CFAP47: variants seen among roughly 807,000 people sequenced by gnomAD.
The protein encoded by CFAP47 is cilia and flagella associated protein 47, also known as cilia- and flagella-associated protein 47.
CFAP47 carries 29 observed loss-of-function variants against 148.1 expected under a neutral mutation model. The ratio of observed to expected loss-of-function variants is 0.20; its 90% CI spans 0.15 to 0.27. CFAP47 has a LOEUF of 0.27. Among genes scored for constraint, CFAP47 ranks in the 10% least tolerant of loss-of-function variants. The pLI, the probability that CFAP47 is intolerant of heterozygous loss-of-function variation, is 1.00. For synonymous variants in CFAP47, 664 were observed against 577.3 expected, an observed-to-expected ratio of 1.15 and a Z score of -2.15; for missense variants, 1,872 against 1,697.5, an observed-to-expected ratio of 1.10 and a Z score of -1.81.
chrX:36,237,064 T>A (rs1032837514), intron 48 of CFAP47, among the ~76,000 whole-genome samples: 6 of 112,097 alleles, frequency 5.4e-5, no homozygotes, highest in Non-Finnish European at 1.1e-4. Context: ...TAGGATGAAA[T>A]AAGTCTTATA....
Position 36,303,917 on chromosome X carries a change from G to C in CFAP47, c.8039G>C (p.Ser2680Thr), listed in dbSNP as rs1309997280. 4 of 1,140,287 alleles carry C rather than the reference G, an allele frequency of 3.5e-6. No individual in the cohort carries two copies. The Admixed American group carries it at 8.1e-5, about 23-fold the overall frequency. 94.0% of individuals were successfully genotyped at this position (1,140,287 alleles called of 1,213,427 possible). Residue 2680 changes from serine (S) to threonine (T), a missense_variant, in exon 54 of 64, where the codon AGT (serine) becomes ACT (threonine). By Grantham distance (58) the Ser-to-Thr change is moderately conservative. Transcript: ENST00000378653. ...HETLKLQVTN[S>T]NPENFVLDIN... ...ACCTTAAAATTGCAAGTAACAAACA[G>C]TAATCCTGAAAATTTTGTCCTGGAT...
intron 35 of CFAP47, among the ~76,000 whole-genome samples, chrX:36,139,605 T>A (rs1260258765): frequency 1.8e-5 from 2 of 111,520 alleles, no homozygotes; most frequent in African/African-American, 3.3e-5. Flanking sequence ...TCTACTCTTA[T>A]CATTTTAATT....
rs1935550313 is a variant in CFAP47, at chrX:35,919,939, T to G, written c.140T>G (p.Val47Gly). 1 of 1,208,216 alleles carries G rather than the reference T, an allele frequency of 8.3e-7. No individual in the cohort carries two copies. The highest frequency in any genetic ancestry group is 2.2e-5 in the Admixed American group (1 of 45,557). The part of the protein sequence containing the change: ...DMQLRVIPAE[V>G]KFLDTMAGRV... ...CAGCTGCGGGTGATCCCGGCTGAGG[T>G]GAAGTTCCTGGACACGATGGCCGGG... Residue 47 changes from valine (V) to glycine (G), a missense_variant, in exon 1 of 64, where the codon GTG becomes GGG. Transcript: ENST00000378653.
Position 35,955,903 on chromosome X carries a change from A to G in CFAP47, c.1175-58A>G, listed in dbSNP as rs747345059. 12 of 1,182,946 alleles carry G rather than the reference A, an allele frequency of 1.0e-5. No homozygotes were observed. The Admixed American group carries it at 2.2e-4, about 21-fold the overall frequency. Reference sequence around the variant, plus strand: ...TTCAGACAACAAATAGACTAAGCAAATATATTCTGGATTCCCCAAACACTT... The same window carrying G: ...TTCAGACAACAAATAGACTAAGCAAGTATATTCTGGATTCCCCAAACACTT... On this transcript the variant is annotated intron_variant, in intron 7 of 63. Coordinates refer to ENST00000378653, the MANE Select transcript of CFAP47 (RefSeq NM_001304548.2).
chrX:36,008,627 G>A (rs953361414), intron 21 of CFAP47, among the ~76,000 whole-genome samples: 5 of 108,920 alleles, frequency 4.6e-5, no homozygotes, highest in African/African-American at 1.3e-4. Context: ...AAAAATAGCC[G>A]GGCATGGTGA....
chrX:35,927,629 G>A (rs982304055), intron 2 of CFAP47, among the ~76,000 whole-genome samples: 33 of 109,741 alleles, frequency 3.0e-4, no homozygotes, highest in Non-Finnish European at 9.5e-5. Flanking sequence ...ATGTGTGTGT[G>A]CATGTGTGTT....
At chrX:36,024,946 CA>C (rs779765076) in intron 22 of CFAP47, among the ~76,000 whole-genome samples, 2 of 111,188 alleles carry the variant, frequency 1.8e-5, no homozygotes, top group Admixed American at 1.9e-4. Context: ...CATTTTGCTG[CA>C]CTCATTCTCT....
At chrX:36,050,731 CAAGACAATGGGGAA>C (rs1937516288) in intron 26 of CFAP47, among the ~76,000 whole-genome samples, 1 of 112,023 alleles carries the variant, frequency 8.9e-6, no homozygotes, top group Non-Finnish European at 1.9e-5. Context: ...TGTTGATCAC[CAAGACAATGGGGAA>C]AATGTCTCTA....
At chrX:35,970,487 T>C (rs1936473126) in intron 10 of CFAP47, among the ~76,000 whole-genome samples, 1 of 111,532 alleles carries the variant, frequency 9.0e-6, no homozygotes, top group African/African-American at 3.3e-5. Flanking sequence ...ATTGCCTAAC[T>C]GACTAATTCT....
Position 36,201,515 on chromosome X carries a change from A to G in CFAP47, c.6663+15A>G. 2 of 296,828 alleles carry G rather than the reference A, an allele frequency of 6.7e-6. No homozygotes were observed. The highest frequency in any genetic ancestry group is 1.2e-5 in the Non-Finnish European group (2 of 169,769). The allele number at this position is 296,828 out of a possible 1,213,427, so 24.5% of individuals were successfully genotyped here. A position where few individuals can be genotyped will look rare whatever the true frequency, so the allele number is the denominator to read the frequency against. ...CGAAGATCGAGGTGGGAATGGAGTA[A>G]TAGATGATTCACTTCAATTACTCTC... On this transcript the variant is annotated intron_variant, in intron 44 of 63. Transcript: ENST00000378653.
intron 15 of CFAP47, among the ~76,000 whole-genome samples, chrX:35,977,270 A>G (rs1936584443): frequency 8.9e-6 from 1 of 111,939 alleles, no homozygotes; most frequent in Non-Finnish European, 1.9e-5. Flanking sequence ...AACTTAAGCA[A>G]AGTACTCTGT....
chrX:36,381,293 CT>C (rs1435548880), intron 63 of CFAP47, among the ~76,000 whole-genome samples: 1 of 111,456 alleles, frequency 9.0e-6, no homozygotes, highest in Non-Finnish European at 1.9e-5. Context: ...TGCCCTACCC[CT>C]GACAACCACT....
intron 48 of CFAP47, among the ~76,000 whole-genome samples, chrX:36,242,008 G>C (rs1940551159): frequency 1.8e-5 from 2 of 111,743 alleles, no homozygotes; most frequent in Admixed American, 9.5e-5. Context: ...GGCTGTGTAA[G>C]AGCTTATCTA....
intron 42 of CFAP47, among the ~76,000 whole-genome samples, chrX:36,197,969 T>C (rs1385821720): frequency 1.8e-5 from 2 of 112,005 alleles, no homozygotes; most frequent in African/African-American, 3.2e-5. Flanking sequence ...TATAGATTAA[T>C]TTTTAATTTC....
chrX:36,039,881 C>A (rs1211458192), intron 25 of CFAP47, among the ~76,000 whole-genome samples: 1 of 111,654 alleles, frequency 9.0e-6, no homozygotes, highest in Non-Finnish European at 1.9e-5. Context: ...TATGTCAGAC[C>A]CATCCATGAT....
intron 32 of CFAP47, among the ~76,000 whole-genome samples, chrX:36,103,594 T>G (rs1938418209): frequency 1.0e-5 from 1 of 97,690 alleles, no homozygotes; most frequent in African/African-American, 3.9e-5. Context: ...AAGGTGGAAC[T>G]AAGGAGATAT....
intron 42 of CFAP47, among the ~76,000 whole-genome samples, chrX:36,194,273 C>T (rs1260622661): frequency 2.7e-5 from 3 of 111,324 alleles, no homozygotes; most frequent in Non-Finnish European, 5.7e-5. Context: ...GACTCACATT[C>T]CAGTTGTATT....
At chrX:36,066,286 C>T (rs982948510) in intron 27 of CFAP47, among the ~76,000 whole-genome samples, 4 of 110,912 alleles carry the variant, frequency 3.6e-5, no homozygotes, top group Non-Finnish European at 1.9e-5. Context: ...AAAATCCCAT[C>T]TGTGTAGATC....
At chrX:36,230,633 T>A (rs1210416713) in intron 46 of CFAP47, among the ~76,000 whole-genome samples, 4 of 110,129 alleles carry the variant, frequency 3.6e-5, no homozygotes, top group Non-Finnish European at 7.5e-5. Context: ...CATTTGTCAA[T>A]TTTGGCTTTT....
Sources: gnomAD v4.1 joint callset for allele counts (sites outside exome capture counted in the v4.1 genomes callset) on GRCh38, gnomAD v4.1.1 for gene constraint, MANE v1.5 for transcripts, NCBI Gene and HGNC (gene_info 2026-07-23, HGNC 2026-07-21) for gene names.